The following NXF3 variants were observed in gnomAD, a reference collection of about 807,000 sequenced individuals.
NXF3 encodes the protein nuclear RNA export factor 3.
Under a neutral mutation model 48.4 loss-of-function variants are expected in NXF3, and 34 were observed. The observed-to-expected ratio is 0.70, with a 90% CI of 0.53 to 0.93. The LOEUF is 0.93. NXF3 is among the 40% of genes least tolerant of loss of function. The pLI is 0.00. For synonymous variants in NXF3, 132 were observed against 145.7 expected (o/e 0.91, Z 0.68); for missense variants, 359 against 406.1 (o/e 0.88, Z 1.00).
intron 1 of NXF3, among the ~76,000 whole-genome samples, chrX:103,085,848 A>T (rs1339874225): frequency 1.0e-5 from 1 of 98,167 alleles, no homozygotes; most frequent in African/African-American, 3.7e-5. Flanking sequence ...GCTTGCAGTG[A>T]GCCAAGATCA....
chrX:103,080,604 AGG>A lies in NXF3; in HGVS notation c.897_898del (p.Leu300GlyfsTer23). ...GCATAATAATTTGGGGAACAATTCC[AGG>A]ATGGAGCTGCCGAAAATCAAAACAA... On this transcript the variant is annotated frameshift_variant, in exon 10 of 20. Transcript: ENST00000395065. LOFTEE classifies it high-confidence loss of function. 2 of 1,211,186 alleles carry A rather than the reference AGG, an allele frequency of 1.7e-6. No homozygotes were observed. The highest frequency in any genetic ancestry group is 2.2e-6 in the Non-Finnish European group (2 of 894,585).
At chrX:103,092,918 A>G (rs1922313420) in intron 1 of NXF3, 78 bp downstream of exon 1, 1 of 983,656 alleles carries the variant, frequency 1.0e-6, no homozygotes, top group Admixed American at 2.2e-5. Flanking sequence ...TATGTGGGTT[A>G]GGGTAAGGTG....
chrX:103,080,999 G>A (rs1428102764), intron 9 of NXF3: 4 of 189,601 alleles, frequency 2.1e-5, no homozygotes, highest in Non-Finnish European at 1.9e-5. Context: ...GAGGCAGAAG[G>A]GGAAGGCAGG....
rs1166417007 is a variant in NXF3, at chrX:103,083,632, T to C, written c.412A>G (p.Ser138Gly). 3.3e-6 allele frequency: 4 copies of C among 1,207,932 alleles called. No individual in the cohort carries two copies. The highest frequency in any genetic ancestry group is 4.5e-6 in the Non-Finnish European group (4 of 893,324). ...ACCTCAACTGGGACGAAGGGTACAC[T>C]GCATTCATTCTGAATCAAATTCAGC... Reference protein sequence around the residue: ...WLLNLIQNECSVPFVPVEFHY... With the variant: ...WLLNLIQNECGVPFVPVEFHY... Residue 138 changes from serine to glycine, a missense_variant, in exon 4 of 20, where the codon AGT becomes GGT. By Grantham distance (56) the Ser-to-Gly change is moderately conservative (BLOSUM62 0). Transcript: ENST00000395065.
rs192258388 is a variant in NXF3, at chrX:103,082,111, A to G, written c.890+144T>C. Reference sequence around the variant, plus strand: ...AAAGGAGATGTCTAAGCACAGATGAATGAGTGACACAGAGAGAGGAGTGGG... The same window carrying G: ...AAAGGAGATGTCTAAGCACAGATGAGTGAGTGACACAGAGAGAGGAGTGGG... On this transcript the variant is annotated intron_variant, in intron 9 of 19. Coordinates refer to ENST00000395065, the MANE Select transcript of NXF3 (RefSeq NM_022052.2). The G allele has an allele frequency of 1.1e-4, 57 of 516,528 alleles. No individual in the cohort carries two copies. The African/African-American group carries it at 1.2e-3, about 11-fold the overall frequency. 42.6% of individuals were successfully genotyped at this position (516,528 alleles called of 1,213,427 possible).
At chrX:103,084,681 T>C in intron 2 of NXF3, 34 bp downstream of exon 2, 1 of 1,188,956 alleles carries the variant, frequency 8.4e-7, no homozygotes, top group Non-Finnish European at 1.1e-6. Context: ...CACTGGCTGG[T>C]ACATTCCAGC....
chrX:103,092,914 G>A, intron 1 of NXF3, 82 bp downstream of exon 1: 1 of 971,695 alleles, frequency 1.0e-6, no homozygotes, highest in African/African-American at 1.9e-5. Flanking sequence ...GTGTTATGTG[G>A]GTTAGGGTAA....
At chrX:103,087,635 G>T in intron 1 of NXF3, 1 of 988,519 alleles carries the variant, frequency 1.0e-6, no homozygotes, top group Non-Finnish European at 1.4e-6. Context: ...CTCTAAGTCC[G>T]ATCCCACATA....
At chrX:103,086,706 AC>A (rs912449548) in intron 1 of NXF3, among the ~76,000 whole-genome samples, 1 of 110,241 alleles carries the variant, frequency 9.1e-6, no homozygotes, top group African/African-American at 3.3e-5. Flanking sequence ...TGAAAAAAAA[AC>A]ATGTAAAATT....
At chrX:103,079,562 G>A (rs1334064905) in intron 14 of NXF3, 22 bp downstream of exon 14, 2 of 1,204,137 alleles carry the variant, frequency 1.7e-6, no homozygotes, top group Non-Finnish European at 2.2e-6. Context: ...ACCCTGCCCA[G>A]ACTTCTCCAT....
intron 1 of NXF3, among the ~76,000 whole-genome samples, chrX:103,092,307 C>A (rs181704766): frequency 9.2e-6 from 1 of 108,621 alleles, no homozygotes. Context: ...GAAGTAAGTG[C>A]TGGTTAAAAT....
At chrX:103,078,120 G>A (rs150931864) in intron 17 of NXF3, among the ~76,000 whole-genome samples, 16 of 111,656 alleles carry the variant, frequency 1.4e-4, no homozygotes, top group African/African-American at 4.2e-4. Context: ...CTCATACTCT[G>A]ACTCCAGAGC....
At chrX:103,091,326 C>T (rs1922267388) in intron 1 of NXF3, among the ~76,000 whole-genome samples, 1 of 112,069 alleles carries the variant, frequency 8.9e-6, no homozygotes, top group Admixed American at 9.5e-5. Context: ...ACAGTTGGTC[C>T]TCCGTATCCA....
chrX:103,080,291 A>T, intron 10 of NXF3, 75 bp from the exon 11 acceptor site: 2 of 996,471 alleles, frequency 2.0e-6, no homozygotes, highest in Non-Finnish European at 1.4e-6. Context: ...GGATAGACCC[A>T]GGAGAGGGTG....
chrX:103,084,813 C>A lies in NXF3; in HGVS notation c.99G>T (p.Arg33Ser), dbSNP rs1348044098. 8.3e-7 allele frequency: 1 copy of A among 1,209,801 alleles called. No homozygotes were observed. Among genetic ancestry groups the A allele is most frequent in the African/African-American group, 1.7e-5 (1 of 57,337 alleles). Residue 33 changes from arginine (R) to serine (S), a missense_variant, in exon 2 of 20, where the codon AGG becomes AGT. Physicochemically the swap from Arg to Ser is moderately radical, Grantham distance 110. Coordinates refer to ENST00000395065, the MANE Select transcript of NXF3 (RefSeq NM_022052.2). ...WDIYQRRFSS[R>S]SEPVNPGMHS... ...GCATGCCAGGATTGACAGGTTCAGACCTACTGCTAAATCTCCTTTGGTAAA... is the reference window on the plus strand; with the variant it reads ...GCATGCCAGGATTGACAGGTTCAGAACTACTGCTAAATCTCCTTTGGTAAA...
Position 103,093,120 on chromosome X carries a change from G to C in NXF3, c.-97C>G. ...TGAGGAGGGCTGCTGACGAAGGCGA[G>C]AGCAAGCCTCAAGCCTTGCTTACAG... is the stretch of plus-strand genomic sequence containing the variant. On this transcript the variant is annotated 5_prime_UTR_variant, in exon 1 of 20. Transcript: ENST00000395065. The C allele has an allele frequency of 1.2e-6, 1 of 817,011 alleles. No homozygotes were observed. The highest frequency in any genetic ancestry group is 1.8e-6 in the Non-Finnish European group (1 of 544,481). The allele number at this position is 817,011 out of a possible 1,213,427, so 67.3% of individuals were successfully genotyped here.
At chrX:103,080,780 C>A in intron 9 of NXF3, 168 bp from the exon 10 acceptor site, 1 of 471,628 alleles carries the variant, frequency 2.1e-6, no homozygotes, top group Non-Finnish European at 3.8e-6. Context: ...GGCTTCAGGA[C>A]TTTCTTCCCC....
chrX:103,087,781 T>G (rs1423850650), intron 1 of NXF3: 1 of 918,426 alleles, frequency 1.1e-6, no homozygotes, highest in East Asian at 3.1e-5. Context: ...GTAGTAAATC[T>G]TTTTGACAGT....
chrX:103,084,287 A>G (rs1442306571), intron 3 of NXF3, 55 bp downstream of exon 3: 3 of 1,184,831 alleles, frequency 2.5e-6, no homozygotes, highest in African/African-American at 1.8e-5. Flanking sequence ...CAAATCCAAC[A>G]CAATTCCCCC....
Sources: allele counts gnomAD v4.1 joint callset (sites outside exome capture counted in the v4.1 genomes callset), GRCh38; gene constraint gnomAD v4.1.1; transcripts MANE v1.5; gene names NCBI Gene and HGNC (gene_info 2026-07-23, HGNC 2026-07-21).